DOCK9: variants seen among roughly 807,000 people sequenced by gnomAD.
DOCK9 encodes dedicator of cytokinesis 9.
Under a neutral mutation model 263.3 loss-of-function variants are expected in DOCK9, and 89 were observed. The ratio of observed to expected loss-of-function variants is 0.34; its 90% CI spans 0.28 to 0.40. The LOEUF is 0.40. DOCK9 is among the 10% of genes least tolerant of loss of function. The pLI is 1.00. For synonymous variants in DOCK9, 976 were observed against 973.1 expected, an observed-to-expected ratio of 1.00 and a Z score of -0.06; for missense variants, 2,140 against 2,603.4, an observed-to-expected ratio of 0.82 and a Z score of 3.87.
intron 1 of DOCK9, chr13:99,015,345 A>C (rs1595911447): frequency 9.6e-7 from 1 of 1,039,996 alleles, no homozygotes; most frequent in Non-Finnish European, 1.3e-6. Flanking sequence ...CACAGACTAC[A>C]TACATATAAG....
intron 9 of DOCK9, among the ~76,000 whole-genome samples, chr13:98,910,849 A>T (rs1269747497): frequency 6.6e-6 from 1 of 151,882 alleles, no homozygotes; most frequent in Non-Finnish European, 1.5e-5. Flanking sequence ...AACTCCTTGC[A>T]CAGTTCTCTC....
At chr13:99,027,656 T>C (rs558151964) in intron 1 of DOCK9, among the ~76,000 whole-genome samples, 4 of 152,360 alleles carry the variant, frequency 2.6e-5, no homozygotes, top group Non-Finnish European at 5.9e-5. Context: ...AAAAATACAA[T>C]TGCAATTACA....
intron 27 of DOCK9, among the ~76,000 whole-genome samples, chr13:98,879,527 C>T (rs1042639503): frequency 6.6e-6 from 1 of 152,136 alleles, no homozygotes. Context: ...ATTTCCATTT[C>T]AACAAACGTG....
intron 1 of DOCK9, among the ~76,000 whole-genome samples, chr13:99,069,913 C>A (rs983810546): frequency 6.6e-6 from 1 of 152,214 alleles, no homozygotes; most frequent in Non-Finnish European, 1.5e-5. Flanking sequence ...CTTAATTAAG[C>A]AAGTCACTTG....
chr13:98,845,513 C>G, intron 38 of DOCK9: 1 of 439,666 alleles, frequency 2.3e-6, no homozygotes. Context: ...GACGCTTGAT[C>G]AATTACATGC....
rs1567040490 is a variant in DOCK9 at position 98,942,238 on chromosome 13, T to TG, written c.244-11982_244-11981insC. The stretch of plus-strand genomic sequence containing the variant: ...TGGTTATGTTTTTTTTTTTGTTGTT[T>TG]TTTTTTTTTGTTTTTTTGAGACAGA... On this transcript the variant is annotated intron_variant, in intron 2 of 52. Transcript: ENST00000682017. Among the ~76,000 whole-genome samples, 928 of 150,792 alleles carry TG rather than the reference T, an allele frequency of 6.2e-3. 17 individuals are homozygous for TG. Among genetic ancestry groups the TG allele is most frequent in the African/African-American group, 0.021 (880 of 40,950 alleles).
intron 1 of DOCK9, among the ~76,000 whole-genome samples, chr13:99,009,745 C>G (rs1884134475): frequency 6.6e-6 from 1 of 152,018 alleles, no homozygotes; most frequent in African/African-American, 2.4e-5. Flanking sequence ...ATCTTCAACT[C>G]TGCTGTCTTT....
chr13:98,800,102 G>A (rs1389453966), intron 50 of DOCK9, among the ~76,000 whole-genome samples, 186 bp downstream of exon 50: 12 of 152,144 alleles, frequency 7.9e-5, no homozygotes, highest in Non-Finnish European at 1.2e-4. Flanking sequence ...GGGGCGGGGG[G>A]CAGGGATCAT....
Position 98,888,229 on chromosome 13 carries a change from G to A in DOCK9, c.1978-6C>T. 1 of 1,610,640 alleles carries A rather than the reference G, an allele frequency of 6.2e-7. No individual in the cohort carries two copies. Among genetic ancestry groups the A allele is most frequent in the Middle Eastern group, 1.7e-4 (1 of 6,058 alleles). ...CAAATCGCAATATTTCTAGCCTGCA[G>A]CAATAAACAAAACAGAATAAGAAAA... On this transcript the variant is annotated splice_region_variant and splice_polypyrimidine_tract_variant and intron_variant, in intron 17 of 52. Transcript: ENST00000682017.
Position 98,831,153 on chromosome 13 carries a change from G to T in DOCK9, c.4635+195C>A, listed in dbSNP as rs77541142. Among the ~76,000 whole-genome samples the T allele has an allele frequency of 6.7e-3, 1,017 of 152,286 alleles. 14 individuals are homozygous for T. The highest frequency in any genetic ancestry group is 0.023 in the African/African-American group (957 of 41,554). On this transcript the variant is annotated intron_variant, in intron 41 of 52. Transcript: ENST00000682017. ...ATATTTAAATGTCAATTTACCAACA[G>T]AAACGCATCTCAGGCCCATATCTTA...
At chr13:98,860,820 G>A (rs767808162) in intron 32 of DOCK9, among the ~76,000 whole-genome samples, 31 of 152,054 alleles carry the variant, frequency 2.0e-4, no homozygotes, top group Admixed American at 1.2e-3. Context: ...CCAGAGCTCG[G>A]ACGCCCAACA....
chr13:98,889,301 C>T (rs1162941193), intron 15 of DOCK9, among the ~76,000 whole-genome samples: 5 of 152,242 alleles, frequency 3.3e-5, no homozygotes, highest in East Asian at 1.9e-4. Context: ...GTACACTGCT[C>T]GGGTGATGGG....
At chr13:98,987,714 C>T (rs1034248417) in intron 1 of DOCK9, among the ~76,000 whole-genome samples, 6 of 152,192 alleles carry the variant, frequency 3.9e-5, no homozygotes, top group South Asian at 4.1e-4. Flanking sequence ...ATTTAACCCT[C>T]GATGCTCTTA....
intron 32 of DOCK9, among the ~76,000 whole-genome samples, chr13:98,862,230 G>C (rs929616421): frequency 6.6e-6 from 1 of 152,184 alleles, no homozygotes; most frequent in Non-Finnish European, 1.5e-5. Context: ...ATAAAGGGGT[G>C]TGTGTACTGG....
chr13:98,991,622 ATC>A (rs1402229309), intron 1 of DOCK9, among the ~76,000 whole-genome samples: 1 of 151,762 alleles, frequency 6.6e-6, no homozygotes, highest in Non-Finnish European at 1.5e-5. Context: ...AACTGATTTT[ATC>A]TGTTTTTTAT....
chr13:98,838,954 T>C (rs1246341153), intron 38 of DOCK9, among the ~76,000 whole-genome samples: 1 of 152,232 alleles, frequency 6.6e-6, no homozygotes, highest in Non-Finnish European at 1.5e-5. Flanking sequence ...CACTGTATCA[T>C]AGTACATATT....
At chr13:98,853,317 A>C (rs1292108938) in intron 35 of DOCK9, 91 bp downstream of exon 35, 2 of 768,068 alleles carry the variant, frequency 2.6e-6, no homozygotes, top group Non-Finnish European at 4.2e-6. Context: ...ATCCTTTGAA[A>C]TCTTTGTATC....
At chr13:98,834,846 T>C (rs2092927108) in intron 39 of DOCK9, among the ~76,000 whole-genome samples, 1 of 152,196 alleles carries the variant, frequency 6.6e-6, no homozygotes, top group Admixed American at 6.5e-5. Context: ...AATACCTTGA[T>C]CTTTACTCAA....
At chr13:99,058,642 A>C (rs538652087) in intron 1 of DOCK9, among the ~76,000 whole-genome samples, 1 of 152,168 alleles carries the variant, frequency 6.6e-6, no homozygotes, top group Non-Finnish European at 1.5e-5. Flanking sequence ...GGTTCCCCCC[A>C]TCCACCCTCA....
Sources: allele counts gnomAD v4.1 joint callset (sites outside exome capture counted in the v4.1 genomes callset), GRCh38; gene constraint gnomAD v4.1.1; transcripts MANE v1.5; gene names NCBI Gene and HGNC (gene_info 2026-07-23, HGNC 2026-07-21).